WDPCP: variants seen among roughly 807,000 people sequenced by gnomAD.
WDPCP encodes WD repeat-containing and planar cell polarity effector protein fritz homolog.
WDPCP carries 71 observed loss-of-function variants against 93.1 expected under a neutral mutation model. That is an observed-to-expected ratio of 0.76 (90% confidence interval 0.63 to 0.93). The LOEUF (loss-of-function observed/expected upper bound fraction) is 0.93. Among genes scored for constraint, WDPCP ranks in the 40% least tolerant of loss-of-function variants. WDPCP has a pLI of 0.00. For missense variants in WDPCP, 844 were observed against 887.4 expected (o/e 0.95, Z 0.62); for synonymous variants, 315 against 315.0 (o/e 1.00, Z 0.00).
chr2:63,833,024 G>A, the WDPCP span, among the ~76,000 whole-genome samples: 4 of 152,152 alleles, frequency 2.6e-5, no homozygotes, highest in Non-Finnish European at 4.4e-5. Context: ...AGGCCAAGGC[G>A]GGAGGATCAC....
At chr2:63,528,532 T>C (rs1703542237) in intron 1 of WDPCP, among the ~76,000 whole-genome samples, 2 of 152,170 alleles carry the variant, frequency 1.3e-5, no homozygotes, top group Non-Finnish European at 2.9e-5. Flanking sequence ...GTTGTAGATG[T>C]GTGGTATTAT....
At chr2:63,664,574 G>C (rs1370594406) in intron 2 of WDPCP, among the ~76,000 whole-genome samples, 1 of 152,174 alleles carries the variant, frequency 6.6e-6, no homozygotes, top group Non-Finnish European at 1.5e-5. Flanking sequence ...AGCTGCAAGT[G>C]AGGCTGGAAA....
chr2:63,359,466 G>A (rs570189761), intron 12 of WDPCP, among the ~76,000 whole-genome samples: 7 of 152,072 alleles, frequency 4.6e-5, no homozygotes, highest in African/African-American at 1.7e-4. Context: ...ACCCCAATGA[G>A]GTATCATTAC....
intron 9 of WDPCP, among the ~76,000 whole-genome samples, chr2:63,409,598 A>G (rs567787956): frequency 1.3e-5 from 2 of 152,322 alleles, no homozygotes; most frequent in East Asian, 3.9e-4. Context: ...TATTCAGCTA[A>G]TCAGGGAGGG....
At position 63,613,753 on chromosome 2, in the gene WDPCP, G is replaced by C. The variant is rs78034838; in HGVS notation, n.488+36906C>G. On this transcript the variant is annotated intron_variant and non_coding_transcript_variant, in intron 3 of 4. Transcript: ENST00000467687. ...TTCTGAATTAAAGGAACTTGGAAAG[G>C]CTAAGAACCGAGGAGTTTCTAGCCT... Among the ~76,000 whole-genome samples the C allele has an allele frequency of 9.6e-3, 1,461 of 152,304 alleles. 27 individuals carry two copies. Among genetic ancestry groups the C allele is most frequent in the Admixed American group, 0.039 (589 of 15,292 alleles).
At chr2:63,569,582 T>G (rs1707326110) in intron 1 of WDPCP, among the ~76,000 whole-genome samples, 1 of 152,226 alleles carries the variant, frequency 6.6e-6, no homozygotes, top group Non-Finnish European at 1.5e-5. Flanking sequence ...TACCTGATAT[T>G]GAACACCTGG....
chr2:63,215,909 C>G (rs977435947), intron 14 of WDPCP, among the ~76,000 whole-genome samples: 1 of 152,196 alleles, frequency 6.6e-6, no homozygotes, highest in South Asian at 2.1e-4. Flanking sequence ...TATGAACAGA[C>G]ATTTCTCAAA....
chr2:63,365,442 A>G (rs1690826128), intron 12 of WDPCP, among the ~76,000 whole-genome samples: 1 of 152,212 alleles, frequency 6.6e-6, no homozygotes, highest in African/African-American at 2.4e-5. Context: ...AGAAGTATGC[A>G]TGGTAGGTGT....
intron 12 of WDPCP, among the ~76,000 whole-genome samples, chr2:63,339,416 G>A (rs1321743137): frequency 2.6e-5 from 4 of 152,026 alleles, no homozygotes; most frequent in South Asian, 2.1e-4. Context: ...GAAGTGATCC[G>A]CCCACCTCTG....
chr2:63,214,343 A>G (rs969203607), intron 14 of WDPCP, among the ~76,000 whole-genome samples: 27 of 152,230 alleles, frequency 1.8e-4, no homozygotes, highest in Admixed American at 3.9e-4. Flanking sequence ...AACATAATCC[A>G]TTAGATAAAC....
At chr2:63,589,236 G>T, upstream of WDPCP, 1 of 1,557,006 alleles carries the variant, frequency 6.4e-7, no homozygotes, top group Non-Finnish European at 8.7e-7. Flanking sequence ...TTTCCACCTT[G>T]CGGGGTATGG....
intron 3 of WDPCP, among the ~76,000 whole-genome samples, chr2:63,615,580 A>G (rs1024005027): frequency 6.6e-6 from 1 of 151,932 alleles, no homozygotes; most frequent in African/African-American, 2.4e-5. Context: ...ATTTATAAAA[A>G]CCCTTGCATT....
At chr2:63,240,513 T>G (rs1265213275) in intron 14 of WDPCP, among the ~76,000 whole-genome samples, 1 of 152,146 alleles carries the variant, frequency 6.6e-6, no homozygotes, top group African/African-American at 2.4e-5. Flanking sequence ...ACCATATAAC[T>G]GCATAAATCT....
intron 1 of WDPCP, among the ~76,000 whole-genome samples, chr2:63,820,926 C>T (rs1671008880): frequency 6.6e-6 from 1 of 151,986 alleles, no homozygotes; most frequent in Non-Finnish European, 1.5e-5. Flanking sequence ...ATTTCTAAAA[C>T]TTTAGCAACC....
intron 13 of WDPCP, among the ~76,000 whole-genome samples, chr2:63,271,994 C>T (rs1682699607): frequency 1.3e-5 from 2 of 152,200 alleles, no homozygotes; most frequent in Admixed American, 6.5e-5. Context: ...CCACCAACCA[C>T]TGCCACTGTT....
intron 3 of WDPCP, among the ~76,000 whole-genome samples, chr2:63,645,467 T>G (rs1270277146): frequency 2.0e-5 from 3 of 152,202 alleles, no homozygotes; most frequent in Admixed American, 1.3e-4. Flanking sequence ...AGAAAAAGAA[T>G]GTGTATTCTG....
intron 6 of WDPCP, among the ~76,000 whole-genome samples, chr2:63,482,072 C>CT (rs778557881): frequency 1.4e-4 from 21 of 151,866 alleles, no homozygotes; most frequent in Non-Finnish European, 2.8e-4. Flanking sequence ...ACAACATCAA[C>CT]TAAGCTTTGG....
chr2:63,836,320 C>T, the WDPCP span, among the ~76,000 whole-genome samples: 1 of 152,146 alleles, frequency 6.6e-6, no homozygotes, highest in South Asian at 2.1e-4. Flanking sequence ...GTTTAGAAAA[C>T]CATCAAAAGT....
At chr2:63,472,839 C>T (rs1163088517) in intron 6 of WDPCP, among the ~76,000 whole-genome samples, 2 of 152,190 alleles carry the variant, frequency 1.3e-5, no homozygotes, top group Non-Finnish European at 2.9e-5. Context: ...GGATTACAGG[C>T]GTGAGCCGCC....
Sources: allele counts gnomAD v4.1 joint callset (sites outside exome capture counted in the v4.1 genomes callset), GRCh38; gene constraint gnomAD v4.1.1; transcripts MANE v1.5; gene names NCBI Gene and HGNC (gene_info 2026-07-23, HGNC 2026-07-21).